The following AGXT2 variants were observed in gnomAD, a reference collection of about 807,000 sequenced individuals.
AGXT2 encodes alanine--glyoxylate aminotransferase 2.
In AGXT2, 61 loss-of-function variants were observed where a neutral mutation model predicts 62.5. The ratio of observed to expected loss-of-function variants is 0.98; its 90% CI spans 0.79 to 1.21. The LOEUF is 1.21. Among genes scored for constraint, AGXT2 ranks in the 50% most tolerant of loss-of-function variants. The pLI, the probability that AGXT2 is intolerant of heterozygous loss-of-function variation, is 0.00. For missense variants in AGXT2, 666 were observed against 641.5 expected, an observed-to-expected ratio of 1.04 and a Z score of -0.41; for synonymous variants, 243 against 218.7, an observed-to-expected ratio of 1.11 and a Z score of -0.98.
At chr5:35,000,504 C>T (rs1413216338) in intron 13 of AGXT2, among the ~76,000 whole-genome samples, 2 of 152,192 alleles carry the variant, frequency 1.3e-5, no homozygotes, top group Non-Finnish European at 2.9e-5. Flanking sequence ...CCTCAGCCTC[C>T]TGAGTAGCAG....
At chr5:35,003,438 T>C (rs935108859) in intron 13 of AGXT2, among the ~76,000 whole-genome samples, 3 of 152,204 alleles carry the variant, frequency 2.0e-5, no homozygotes. Context: ...ACTGCATGAC[T>C]GTGATGTTTA....
intron 9 of AGXT2, among the ~76,000 whole-genome samples, chr5:35,023,918 G>A (rs908535225): frequency 6.6e-6 from 1 of 151,182 alleles, no homozygotes; most frequent in Admixed American, 6.6e-5. Context: ...TTTTGAGATG[G>A]AGTTTTGCTC....
At chr5:35,009,932 C>T in intron 12 of AGXT2, 68 bp downstream of exon 12, 6 of 1,601,134 alleles carry the variant, frequency 3.7e-6, no homozygotes, top group Non-Finnish European at 5.1e-6. Flanking sequence ...TGAAGTTTAG[C>T]TGATGTTTCC....
Position 35,026,445 on chromosome 5 carries a change from T to G in AGXT2, c.835A>C (p.Lys279Gln), listed in dbSNP as rs149356098. The G allele has an allele frequency of 6.2e-7, 1 of 1,614,192 alleles. No homozygotes were observed. Among genetic ancestry groups the G allele is most frequent in the Non-Finnish European group, 8.5e-7 (1 of 1,180,022 alleles). The change falls in exon 8 of 14, where the codon AAG becomes CAG. Residue 279 changes from lysine to glutamine, a missense_variant. Coordinates refer to ENST00000231420, the MANE Select transcript of AGXT2 (RefSeq NM_031900.4). ...FKDTLSTSVA[K>Q]SIAGFFAEPI... is the part of the protein sequence containing the mutation. The stretch of plus-strand genomic sequence containing the variant: ...TCTGCGAAAAATCCAGCAATTGACT[T>G]GGCCACAGATGTGCTCAGCGTATCT...
intron 5 of AGXT2, among the ~76,000 whole-genome samples, chr5:35,034,768 G>A (rs1010465561): frequency 3.9e-5 from 6 of 152,170 alleles, no homozygotes; most frequent in African/African-American, 1.4e-4. Context: ...AGAATAAAAG[G>A]TAAAAAATGG....
In AGXT2 at chr5:35,025,775, G is replaced by A. The variant is rs1767314137; in HGVS notation, c.951C>T (p.Cys317=). The change falls in exon 9 of 14, where the codon TGC becomes TGT. Residue 317 remains cysteine (C), a synonymous_variant. Transcript: ENST00000231420. ...FELVRARGGV[C]IADEVQTGFG... is the part of the protein sequence containing the mutation. Reference sequence around the variant, plus strand: ...ACATGCCACTTACTTCATCTGCAATGCACACGCCTCCCCTTGCTCGCACCA... The same window carrying A: ...ACATGCCACTTACTTCATCTGCAATACACACGCCTCCCCTTGCTCGCACCA... 2 of 1,614,058 alleles carry A rather than the reference G, an allele frequency of 1.2e-6. No individual in the cohort carries two copies. The highest frequency in any genetic ancestry group is 4.5e-5 in the East Asian group (2 of 44,872).
chr5:35,016,766 T>G (rs1165359072), intron 9 of AGXT2, among the ~76,000 whole-genome samples: 2 of 152,198 alleles, frequency 1.3e-5, no homozygotes, highest in Non-Finnish European at 2.9e-5. Context: ...ATGCATGGAA[T>G]TATGTAAAAC....
intron 3 of AGXT2, among the ~76,000 whole-genome samples, chr5:35,038,241 C>G (rs1767853429): frequency 1.3e-5 from 2 of 152,072 alleles, no homozygotes; most frequent in African/African-American, 4.8e-5. Context: ...TCAGTAAATC[C>G]TTGAAAAGAA....
intron 4 of AGXT2, among the ~76,000 whole-genome samples, 157 bp downstream of exon 4, chr5:35,036,785 T>A (rs116126703): frequency 0.012 from 1,895 of 152,304 alleles, 40 homozygotes; most frequent in African/African-American, 0.043. Context: ...AGATCACCAC[T>A]ACAGATGTTC....
chr5:35,014,914 A>G (rs1355974194), intron 9 of AGXT2, among the ~76,000 whole-genome samples: 1 of 152,196 alleles, frequency 6.6e-6, no homozygotes, highest in African/African-American at 2.4e-5. Context: ...TCCTCTTCCC[A>G]GGGATGCCTT....
At chr5:35,037,123 A>C in intron 3 of AGXT2, 58 bp from the exon 4 acceptor site, 10 of 1,611,164 alleles carry the variant, frequency 6.2e-6, no homozygotes, top group Non-Finnish European at 8.5e-6. Context: ...TCCTGCACAC[A>C]CCCTGGTCAT....
chr5:35,013,202 A>G (rs953245566), intron 10 of AGXT2, among the ~76,000 whole-genome samples, 157 bp from the exon 11 acceptor site: 2 of 152,236 alleles, frequency 1.3e-5, no homozygotes, highest in Non-Finnish European at 2.9e-5. Context: ...ACTGAATTGT[A>G]TCGCCTCAAA....
At chr5:35,043,736 C>T (rs1175093724) in intron 1 of AGXT2, among the ~76,000 whole-genome samples, 1 of 152,120 alleles carries the variant, frequency 6.6e-6, no homozygotes, top group Admixed American at 6.5e-5. Context: ...TGGGGTCTTA[C>T]ATGGAGTGCA....
At chr5:35,032,524 CCAGA>C (rs745383129) in intron 7 of AGXT2, among the ~76,000 whole-genome samples, 5 of 152,184 alleles carry the variant, frequency 3.3e-5, no homozygotes, top group Non-Finnish European at 7.3e-5. Context: ...TCCTACATGG[CCAGA>C]CAGATGGTCT....
chr5:35,016,189 T>C (rs890480605), intron 9 of AGXT2, among the ~76,000 whole-genome samples: 1 of 152,202 alleles, frequency 6.6e-6, no homozygotes, highest in African/African-American at 2.4e-5. Context: ...CATACATAAA[T>C]GGCATAAATG....
intron 13 of AGXT2, among the ~76,000 whole-genome samples, chr5:35,002,743 C>A (rs1392183377): frequency 6.6e-6 from 1 of 151,466 alleles, no homozygotes; most frequent in Non-Finnish European, 1.5e-5. Flanking sequence ...GATGTATAAG[C>A]CACCCAGGCT....
chr5:35,001,104 G>A (rs1275633938), intron 13 of AGXT2, among the ~76,000 whole-genome samples: 2 of 152,182 alleles, frequency 1.3e-5, no homozygotes, highest in African/African-American at 4.8e-5. Context: ...AGTTGGTTAG[G>A]TGTATTAACT....
chr5:35,032,735 G>A lies in AGXT2; in HGVS notation c.766C>T (p.Pro256Ser), dbSNP rs181693250. ...CACCCCCCTTGCCCAGTCGGACCTG[G>A]TGCACAGCTGCACTTCCTGATTGTT... Reference protein sequence around the residue: ...VQTIRKCSCAPDCCQAKDQYI... With the variant: ...VQTIRKCSCASDCCQAKDQYI... The change falls in exon 7 of 14, where the codon CCA (proline) becomes TCA (serine). Residue 256 changes from proline to serine, a missense_variant. Pro to Ser is a moderately conservative substitution (Grantham distance 74). Transcript: ENST00000231420. The A allele has an allele frequency of 8.3e-5, 134 of 1,605,752 alleles. 1 individual carries two copies. The East Asian group carries it at 2.8e-3, about 34-fold the overall frequency.
chr5:35,009,504 G>A (rs1023321927), intron 12 of AGXT2, among the ~76,000 whole-genome samples: 2 of 152,064 alleles, frequency 1.3e-5, no homozygotes, highest in Admixed American at 6.6e-5. Context: ...GCTGAGGCTC[G>A]AGAATAGCTT....
Sources: allele counts gnomAD v4.1 joint callset (sites outside exome capture counted in the v4.1 genomes callset), GRCh38; gene constraint gnomAD v4.1.1; transcripts MANE v1.5; gene names NCBI Gene and HGNC (gene_info 2026-07-23, HGNC 2026-07-21).